The following FAXC variants were observed in gnomAD, a reference collection of about 807,000 sequenced individuals.
FAXC encodes failed axon connections homolog.
FAXC carries 10 observed loss-of-function variants against 41.9 expected under a neutral mutation model. That is an observed-to-expected ratio of 0.24 (90% CI 0.15 to 0.41). FAXC has a LOEUF of 0.41. Ranked by LOEUF, FAXC falls within the 10% of genes least tolerant of loss-of-function variation. The probability of loss-of-function intolerance (pLI) is 1.00; values close to 1 mark genes in which losing one functional copy is unlikely to be tolerated. For synonymous variants in FAXC, 183 were observed against 183.8 expected (o/e 1.00, Z 0.03); for missense variants, 399 against 510.9 (o/e 0.78, Z 2.11).
Position 99,280,886 on chromosome 6 carries a change from C to G in FAXC, c.*278G>C. ...ACAACCAGCTCTTACACCTGCTCTA[C>G]CACACAATATTATTAATAGTTTTCT... On this transcript the variant is annotated 3_prime_UTR_variant, in exon 6 of 6. Transcript: ENST00000389677. The G allele has an allele frequency of 6.3e-6, 2 of 315,884 alleles. No individual in the cohort carries two copies. Among genetic ancestry groups the G allele is most frequent in the Non-Finnish European group, 1.2e-5 (2 of 167,902 alleles). The allele number at this position is 315,884 out of a possible 1,614,324, so 19.6% of individuals were successfully genotyped here.
chr6:99,333,979 G>C (rs1333599179), intron 2 of FAXC, among the ~76,000 whole-genome samples: 2 of 152,176 alleles, frequency 1.3e-5, no homozygotes, highest in African/African-American at 4.8e-5. Flanking sequence ...GACCTCACTT[G>C]AAAACCAGTA....
chr6:99,320,594 A>T (rs957031455), intron 4 of FAXC, among the ~76,000 whole-genome samples: 1 of 152,090 alleles, frequency 6.6e-6, no homozygotes, highest in Non-Finnish European at 1.5e-5. Flanking sequence ...CTTCTCTCTT[A>T]TTCTCAGCAA....
rs1227997374 is a variant in FAXC at position 99,281,392 on chromosome 6, C to A, written c.1002G>T (p.Trp334Cys). Residue 334 changes from tryptophan to cysteine, a missense_variant, in exon 6 of 6, where the codon TGG becomes TGT. This residue lies in a region of FAXC where 92 missense variants were observed against 94.9 expected (regional missense o/e 0.97). Coordinates refer to ENST00000389677, the MANE Select transcript of FAXC (RefSeq NM_032511.4). ...ERIRRKFWPE[W>C]HHDDDNTIYE... is the part of the protein sequence containing the mutation. ...AGATGGTATTGTCATCATCGTGGTG[C>A]CACTCTGGCCAAAATTTCCTCCTTA... The A allele has an allele frequency of 6.2e-7, 1 of 1,614,130 alleles. No homozygotes were observed. The highest frequency in any genetic ancestry group is 8.5e-7 in the Non-Finnish European group (1 of 1,180,006).
At chr6:99,323,277 T>A (rs1343128211) in intron 4 of FAXC, among the ~76,000 whole-genome samples, 167 bp downstream of exon 4, 1 of 152,208 alleles carries the variant, frequency 6.6e-6, no homozygotes, top group Non-Finnish European at 1.5e-5. Flanking sequence ...GAAAGACACA[T>A]GCTTTTGAAA....
chr6:99,315,318 C>T (rs192233770), intron 4 of FAXC, among the ~76,000 whole-genome samples: 1 of 150,582 alleles, frequency 6.6e-6, no homozygotes, highest in Admixed American at 6.6e-5. Flanking sequence ...TCATCACTAC[C>T]ACCACCATGT....
At chr6:99,339,675 G>A (rs975787741) in intron 2 of FAXC, among the ~76,000 whole-genome samples, 15 of 152,036 alleles carry the variant, frequency 9.9e-5, no homozygotes, top group African/African-American at 2.7e-4. Context: ...CACAATAGAT[G>A]GGGTAAATAG....
chr6:99,294,828 A>T (rs756797735), intron 4 of FAXC, among the ~76,000 whole-genome samples: 41 of 151,412 alleles, frequency 2.7e-4, no homozygotes, highest in East Asian at 1.5e-3. Context: ...AAAAATGATT[A>T]AAAAAATCAT....
At chr6:99,335,070 C>T (rs1773168455) in intron 2 of FAXC, among the ~76,000 whole-genome samples, 1 of 152,170 alleles carries the variant, frequency 6.6e-6, no homozygotes, top group South Asian at 2.1e-4. Context: ...ATTATTTCCC[C>T]AGGATACAAC....
rs533595947 is a variant in FAXC at position 99,326,393 on chromosome 6, C to G, written c.600-2726G>C. On this transcript the variant is annotated intron_variant, in intron 3 of 5. Coordinates refer to ENST00000389677, the MANE Select transcript of FAXC (RefSeq NM_032511.4). ...GTAAAGATTTATGGGTAAGGAGAAA[C>G]TAGGTATTTTCTCCTAAAATGATAG... Among the ~76,000 whole-genome samples, 4 of 152,260 alleles carry G rather than the reference C, an allele frequency of 2.6e-5. No individual in the cohort carries two copies. In the East Asian group the frequency reaches 5.8e-4, roughly 22 times the overall value.
intron 5 of FAXC, among the ~76,000 whole-genome samples, chr6:99,286,172 T>C (rs1771022118): frequency 6.6e-6 from 1 of 152,238 alleles, no homozygotes; most frequent in Non-Finnish European, 1.5e-5. Context: ...CCTTTTAGCA[T>C]CTGTCATGCA....
At chr6:99,320,775 T>C (rs1364835520) in intron 4 of FAXC, among the ~76,000 whole-genome samples, 3 of 152,240 alleles carry the variant, frequency 2.0e-5, no homozygotes, top group Non-Finnish European at 2.9e-5. Context: ...AAAGTCCTTA[T>C]TTTCTTCACT....
At chr6:99,293,696 G>GTGTC (rs1554198510) in intron 4 of FAXC, among the ~76,000 whole-genome samples, 7 of 140,180 alleles carry the variant, frequency 5.0e-5, no homozygotes, top group Non-Finnish European at 1.1e-4. Context: ...GTGTGTGTGT[G>GTGTC]TGTGTGTGTG....
At chr6:99,313,738 T>C (rs763138408) in intron 4 of FAXC, among the ~76,000 whole-genome samples, 6 of 152,244 alleles carry the variant, frequency 3.9e-5, no homozygotes, top group African/African-American at 7.2e-5. Flanking sequence ...TATTCTGACA[T>C]GAAGTCAGAA....
At chr6:99,315,259 AAAAC>A (rs71021721) in intron 4 of FAXC, among the ~76,000 whole-genome samples, 26,557 of 103,590 alleles carry the variant, frequency 0.26, 7,756 homozygotes, top group Non-Finnish European at 0.35. Flanking sequence ...AAAAAAAAAA[AAAAC>A]CAGTAAATGT....
chr6:99,295,756 A>T (rs1771467520), intron 4 of FAXC, among the ~76,000 whole-genome samples: 1 of 152,250 alleles, frequency 6.6e-6, no homozygotes, highest in Non-Finnish European at 1.5e-5. Context: ...CTGTGATATT[A>T]ACCGTAACCA....
intron 5 of FAXC, among the ~76,000 whole-genome samples, chr6:99,290,257 A>G (rs1236217253): frequency 6.6e-6 from 1 of 151,758 alleles, no homozygotes; most frequent in African/African-American, 2.4e-5. Context: ...CCACACATAT[A>G]TGTTCATCCC....
rs10527054 is a variant in FAXC, at chr6:99,272,146, ATGTGTG to A, written c.*9012_*9017del. 9,418 of 143,922 alleles carry A rather than the reference ATGTGTG, an allele frequency of 0.065. 440 individuals are homozygous for A. The highest frequency in any genetic ancestry group is 0.13 in the African/African-American group (5,054 of 38,976). The allele number at this position is 143,922 out of a possible 1,614,324, so 8.9% of individuals were successfully genotyped here. A position where few individuals can be genotyped will look rare whatever the true frequency, so the allele number is the denominator to read the frequency against. ...AGGTATGAAAACTAATTGAGACTAT[ATGTGTG>A]TGTGTGTGTGTGTGTGTGTGTGTGT... On this transcript the variant is annotated 3_prime_UTR_variant, in exon 6 of 6. Transcript: ENST00000389677.
chr6:99,340,237 T>C (rs756965796), intron 2 of FAXC, among the ~76,000 whole-genome samples: 2 of 151,978 alleles, frequency 1.3e-5, no homozygotes, highest in Non-Finnish European at 2.9e-5. Context: ...GTAGCTGGGA[T>C]TACAGGCACA....
chr6:99,318,183 C>T (rs1772437677), intron 4 of FAXC, among the ~76,000 whole-genome samples: 3 of 151,244 alleles, frequency 2.0e-5, no homozygotes, highest in South Asian at 2.1e-4. Flanking sequence ...GGCGTGAACC[C>T]GGGAGGCGGA....
Sources: allele counts gnomAD v4.1 joint callset (sites outside exome capture counted in the v4.1 genomes callset), GRCh38; gene constraint gnomAD v4.1.1; regional missense constraint gnomAD v4.1.1; transcripts MANE v1.5; gene names NCBI Gene and HGNC (gene_info 2026-07-23, HGNC 2026-07-21).